Variants in E2F3 observed in about 807,000 individuals in gnomAD.
E2F3 encodes the protein transcription factor E2F3.
A neutral mutation model predicts 44.4 loss-of-function variants in E2F3; 11 were observed. That is an observed-to-expected ratio of 0.25 (90% CI 0.16 to 0.41). The LOEUF (loss-of-function observed/expected upper bound fraction) is 0.41. Among genes scored for constraint, E2F3 ranks in the 10% least tolerant of loss-of-function variants. The pLI is 1.00. For synonymous variants in E2F3, 249 were observed against 253.0 expected (o/e 0.98, Z 0.15); for missense variants, 487 against 583.6 (o/e 0.83, Z 1.70).
At chr6:20,429,257 G>T (rs538093898) in intron 1 of E2F3, among the ~76,000 whole-genome samples, 1 of 152,124 alleles carries the variant, frequency 6.6e-6, no homozygotes, top group Non-Finnish European at 1.5e-5. Flanking sequence ...GGGTATATTC[G>T]TTGTCCCCCT....
At position 20,434,368 on chromosome 6, in the gene E2F3, A is replaced by G. The variant is rs180878976; in HGVS notation, c.393+31743A>G. ...GGTTTCTTAACAGTTTGCTATCTGTATAACTAGGGGTGAATTGATCTCAAA... is the reference window on the plus strand; with the variant it reads ...GGTTTCTTAACAGTTTGCTATCTGTGTAACTAGGGGTGAATTGATCTCAAA... On this transcript the variant is annotated intron_variant, in intron 1 of 6. Coordinates refer to ENST00000346618, the MANE Select transcript of E2F3 (RefSeq NM_001949.5). 6.8e-4 allele frequency among the ~76,000 whole-genome samples: 104 copies of G among 152,342 alleles called. 1 individual carries two copies. Among genetic ancestry groups the G allele is most frequent in the African/African-American group, 2.1e-3 (88 of 41,580 alleles).
At chr6:20,458,723 C>CT (rs1341070183) in intron 1 of E2F3, among the ~76,000 whole-genome samples, 7 of 152,154 alleles carry the variant, frequency 4.6e-5, no homozygotes, top group Non-Finnish European at 8.8e-5. Context: ...AAAAGTGTTG[C>CT]TTTTTTGTGT....
chr6:20,470,482 A>G (rs549935666), intron 1 of E2F3, among the ~76,000 whole-genome samples: 1 of 152,216 alleles, frequency 6.6e-6, no homozygotes, highest in East Asian at 1.9e-4. Flanking sequence ...TGACCCACTA[A>G]CCTAATGGCC....
At chr6:20,446,279 G>A (rs1342535563) in intron 1 of E2F3, among the ~76,000 whole-genome samples, 1 of 152,094 alleles carries the variant, frequency 6.6e-6, no homozygotes, top group African/African-American at 2.4e-5. Flanking sequence ...TTTCTCATCT[G>A]ACTTAAAAGT....
intron 1 of E2F3, among the ~76,000 whole-genome samples, chr6:20,417,211 A>G (rs1312061704): frequency 1.3e-5 from 2 of 152,220 alleles, no homozygotes; most frequent in Non-Finnish European, 2.9e-5. Flanking sequence ...TAATTTGGGT[A>G]TTTAAAGATA....
At chr6:20,407,425 C>T (rs977776915) in intron 1 of E2F3, among the ~76,000 whole-genome samples, 2 of 152,120 alleles carry the variant, frequency 1.3e-5, no homozygotes, top group East Asian at 3.9e-4. Context: ...TATAAATCGC[C>T]ACCTTGTGTA....
At chr6:20,410,163 G>A (rs1581567331) in intron 1 of E2F3, among the ~76,000 whole-genome samples, 1 of 152,220 alleles carries the variant, frequency 6.6e-6, no homozygotes, top group East Asian at 1.9e-4. Flanking sequence ...GATGCTTTGG[G>A]GGCTCCATTT....
chr6:20,402,506 G>A lies in E2F3; in HGVS notation c.274G>A (p.Glu92Lys). ...GPLLPSAPGA[E>K]QTAGSLLYTT... ...CCTCCTCCCCAGTGCCCCCGGCGCG[G>A]AGCAGACCGCCGGCAGCCTCCTCTA... Residue 92 changes from glutamate (E) to lysine (K), a missense_variant, in exon 1 of 7, where the codon GAG becomes AAG. Physicochemically the swap from Glu to Lys is moderately conservative, Grantham distance 56. Around this residue, in one of 3 missense-constraint regions of E2F3, gnomAD observed 238 missense variants for 236.0 expected, o/e 1.01. Coordinates refer to ENST00000346618, the MANE Select transcript of E2F3 (RefSeq NM_001949.5). The surrounding 1 kb of genome is among the most constrained non-coding windows in gnomAD (Gnocchi z 5.6). 6.2e-7 allele frequency: 1 copy of A among 1,603,760 alleles called. No individual in the cohort carries two copies.
chr6:20,407,190 G>A (rs1299854968), intron 1 of E2F3, among the ~76,000 whole-genome samples: 3 of 152,130 alleles, frequency 2.0e-5, no homozygotes, highest in Non-Finnish European at 4.4e-5. Context: ...TGAGATATAT[G>A]GTTGATGCCA....
chr6:20,420,902 A>C (rs907380165), intron 1 of E2F3, among the ~76,000 whole-genome samples: 8 of 152,196 alleles, frequency 5.3e-5, no homozygotes, highest in African/African-American at 1.9e-4. Context: ...CATTTTTCCC[A>C]CACTAGACCT....
chr6:20,474,518 G>A (rs1761986587), intron 1 of E2F3, among the ~76,000 whole-genome samples: 1 of 152,166 alleles, frequency 6.6e-6, no homozygotes, highest in Non-Finnish European at 1.5e-5. Flanking sequence ...GCCATGTAAT[G>A]TAAAGATCTG....
At chr6:20,403,915 G>A (rs550558949) in intron 1 of E2F3, 2 of 843,476 alleles carry the variant, frequency 2.4e-6, no homozygotes, top group Non-Finnish European at 3.5e-6. Flanking sequence ...GAGGGTAGGC[G>A]GTTGAGCGGG....
At chr6:20,418,757 A>G (rs1759930817) in intron 1 of E2F3, among the ~76,000 whole-genome samples, 1 of 152,082 alleles carries the variant, frequency 6.6e-6, no homozygotes, top group South Asian at 2.1e-4. Context: ...CTAGCCACTT[A>G]TGGAGCATAT....
chr6:20,436,766 A>G (rs1466667102), intron 1 of E2F3, among the ~76,000 whole-genome samples: 1 of 152,186 alleles, frequency 6.6e-6, no homozygotes, highest in Non-Finnish European at 1.5e-5. Flanking sequence ...TCTAATATGG[A>G]CTTCTACTAA....
chr6:20,402,276 C>A lies in E2F3; in HGVS notation c.44C>A (p.Thr15Asn). Residue 15 changes from threonine (T) to asparagine (N), a missense_variant, in exon 1 of 7, where the codon ACC becomes AAC. Thr to Asn is a moderately conservative substitution (Grantham distance 65). This residue lies in a region of E2F3 where 238 missense variants were observed against 236.0 expected (regional missense o/e 1.01). Coordinates refer to ENST00000346618, the MANE Select transcript of E2F3 (RefSeq NM_001949.5). The surrounding 1 kb of genome is among the most constrained non-coding windows in gnomAD (Gnocchi z 5.6). ...IQPALEQYLVTAGGGEGAAVV... is the reference protein window; with the variant it reads ...IQPALEQYLVNAGGGEGAAVV... Reference sequence around the variant, plus strand: ...CCCGCTCTGGAGCAGTACCTGGTGACCGCCGGGGGTGGGGAGGGGGCGGCT... The same window carrying A: ...CCCGCTCTGGAGCAGTACCTGGTGAACGCCGGGGGTGGGGAGGGGGCGGCT... 6.2e-7 allele frequency: 1 copy of A among 1,607,980 alleles called. No homozygotes were observed. Among genetic ancestry groups the A allele is most frequent in the African/African-American group, 1.3e-5 (1 of 74,504 alleles).
At chr6:20,435,722 G>A (rs1327358507) in intron 1 of E2F3, among the ~76,000 whole-genome samples, 1 of 152,170 alleles carries the variant, frequency 6.6e-6, no homozygotes, top group Non-Finnish European at 1.5e-5. Context: ...CTGCACTCCA[G>A]CCTGGCGACA....
At chr6:20,476,682 C>T (rs538529950) in intron 1 of E2F3, among the ~76,000 whole-genome samples, 36 of 152,280 alleles carry the variant, frequency 2.4e-4, no homozygotes, top group Non-Finnish European at 4.1e-4. Flanking sequence ...TCAACCTGTT[C>T]GCGGTGGGGG....
chr6:20,479,151 A>G (rs1651111189), intron 1 of E2F3, among the ~76,000 whole-genome samples: 1 of 152,172 alleles, frequency 6.6e-6, no homozygotes, highest in African/African-American at 2.4e-5. Flanking sequence ...GAAGCCCAAG[A>G]TTGCATGTTT....
intron 1 of E2F3, among the ~76,000 whole-genome samples, chr6:20,478,720 A>C (rs1299011695): frequency 6.6e-6 from 1 of 152,074 alleles, no homozygotes; most frequent in Non-Finnish European, 1.5e-5. Flanking sequence ...CTGAGGCAGG[A>C]GAATCACTTG....
Sources: allele counts gnomAD v4.1 joint callset (sites outside exome capture counted in the v4.1 genomes callset), GRCh38; gene constraint gnomAD v4.1.1; regional missense constraint gnomAD v4.1.1; non-coding constraint Gnocchi (gnomAD v3.1); transcripts MANE v1.5; gene names NCBI Gene and HGNC (gene_info 2026-07-23, HGNC 2026-07-21).